Variants in INO80 observed in about 807,000 individuals in gnomAD.
INO80 encodes the protein INO80 complex ATPase subunit.
In INO80, 20 loss-of-function variants were observed where a neutral mutation model predicts 203.4. The ratio of observed to expected loss-of-function variants is 0.10; its 90% CI spans 0.07 to 0.14. INO80 has a LOEUF of 0.14. INO80 is among the 10% of genes least tolerant of loss of function. INO80 has a pLI of 1.00. For missense variants in INO80, 1,419 were observed against 1,914.4 expected (o/e 0.74, Z 4.83); for synonymous variants, 726 against 685.2 (o/e 1.06, Z -0.93).
At chr15:41,031,998 G>GACAGCACAGCACAGCACAGC (rs1414668191) in intron 24 of INO80, among the ~76,000 whole-genome samples, 1 of 53,864 alleles carries the variant, frequency 1.9e-5, no homozygotes, top group African/African-American at 5.1e-5. Context: ...CACAGCACAG[G>GACAGCACAGCACAGCACAGC]ACAGCACAGC....
intron 24 of INO80, among the ~76,000 whole-genome samples, chr15:41,031,084 A>G (rs2044452874): frequency 6.6e-6 from 1 of 152,184 alleles, no homozygotes; most frequent in Non-Finnish European, 1.5e-5. Flanking sequence ...CTATGTTCAA[A>G]ATGCTCAACA....
chr15:41,009,635 C>T (rs938446087), intron 27 of INO80, among the ~76,000 whole-genome samples: 4 of 151,960 alleles, frequency 2.6e-5, no homozygotes, highest in Non-Finnish European at 5.9e-5. Flanking sequence ...CTCTATTGCA[C>T]AGGATGAAGT....
intron 28 of INO80, among the ~76,000 whole-genome samples, chr15:41,002,909 C>T (rs1459278233): frequency 2.0e-5 from 3 of 152,144 alleles, no homozygotes; most frequent in Non-Finnish European, 4.4e-5. Flanking sequence ...TTGAGACCAT[C>T]CTGGCTAACA....
In INO80 at chr15:41,024,383, T is replaced by C. The variant is rs1596268385; in HGVS notation, c.3048+3213A>G. 2.6e-5 allele frequency: 4 copies of C among 152,308 alleles called. No individual in the cohort carries two copies. The South Asian group carries it at 8.3e-4, about 32-fold the overall frequency. The allele number at this position is 152,308 out of a possible 1,614,324, so 9.4% of individuals were successfully genotyped here. On this transcript the variant is annotated intron_variant, in intron 25 of 35. Transcript: ENST00000648947. ...TATCCCAGACAGCCTCCCCCTATTC[T>C]GCTAACCCCAAGTGACCTCCCGATT...
chr15:41,034,178 A>G (rs2044534827), intron 24 of INO80, among the ~76,000 whole-genome samples: 1 of 152,256 alleles, frequency 6.6e-6, no homozygotes, highest in Admixed American at 6.5e-5. Context: ...CCTGAAGCTA[A>G]TAATACAAGA....
intron 24 of INO80, among the ~76,000 whole-genome samples, chr15:41,044,413 T>C (rs1442463888): frequency 6.6e-6 from 1 of 152,176 alleles, no homozygotes; most frequent in African/African-American, 2.4e-5. Flanking sequence ...TCATAAACAA[T>C]ACTGAGTGAA....
intron 32 of INO80, among the ~76,000 whole-genome samples, chr15:40,985,004 C>T (rs1893967528): frequency 2.0e-5 from 3 of 152,130 alleles, no homozygotes; most frequent in African/African-American, 7.2e-5. Flanking sequence ...ATCTCATGAC[C>T]TCTTAGGCCC....
At position 41,114,276 on chromosome 15, in the gene INO80, A is replaced by C. The variant is rs539574129; in HGVS notation, c.-44+1697T>G. ...AGCCAGACTCCGTCTCAAAAAACAA[A>C]AAAAAAAAAACATTCATTTTAAAGT... On this transcript the variant is annotated intron_variant, in intron 1 of 35. Coordinates refer to ENST00000648947, the MANE Select transcript of INO80 (RefSeq NM_017553.3). Among the ~76,000 whole-genome samples the C allele has an allele frequency of 6.9e-4, 89 of 129,430 alleles. 1 individual carries two copies. In the South Asian group the frequency reaches 9.6e-3, roughly 14 times the overall value. The allele number at this position is 129,430 out of a possible 152,430, so 84.9% of individuals were successfully genotyped here.
intron 17 of INO80, 147 bp downstream of exon 17, chr15:41,056,475 A>G: frequency 1.6e-6 from 1 of 627,716 alleles, no homozygotes. Context: ...CTATGCCTAA[A>G]AGACGACTTG....
intron 35 of INO80, among the ~76,000 whole-genome samples, chr15:40,981,379 C>T (rs1893822962): frequency 6.6e-6 from 1 of 152,210 alleles, no homozygotes; most frequent in Admixed American, 6.5e-5. Context: ...CCTGCCACGG[C>T]AGCCTGGACT....
At chr15:41,111,964 G>GC (rs1432104250) in intron 1 of INO80, among the ~76,000 whole-genome samples, 1 of 152,106 alleles carries the variant, frequency 6.6e-6, no homozygotes, top group Admixed American at 6.6e-5. Context: ...GAGTGCAGTG[G>GC]CACAATCAGG....
chr15:41,008,443 G>C (rs2044083586), intron 27 of INO80, among the ~76,000 whole-genome samples: 1 of 152,116 alleles, frequency 6.6e-6, no homozygotes, highest in Admixed American at 6.6e-5. Context: ...ATGGGGAGAT[G>C]TTGGTCAAAG....
chr15:41,074,594 C>T (rs746771507), intron 9 of INO80, 29 bp from the exon 10 acceptor site: 3 of 1,499,016 alleles, frequency 2.0e-6, no homozygotes, highest in South Asian at 2.4e-5. Context: ...GAAAACAGAG[C>T]CAAATTATCA....
At chr15:41,058,165 C>T (rs904380605) in intron 16 of INO80, among the ~76,000 whole-genome samples, 3 of 152,162 alleles carry the variant, frequency 2.0e-5, no homozygotes, top group African/African-American at 7.2e-5. Flanking sequence ...AAAGCAAGGG[C>T]AGAGACTCCT....
chr15:41,015,236 T>C (rs538491136), intron 27 of INO80, among the ~76,000 whole-genome samples: 41 of 152,328 alleles, frequency 2.7e-4, no homozygotes, highest in African/African-American at 6.0e-4. Flanking sequence ...TCAAGCCTGG[T>C]TGCATATTAG....
chr15:41,010,995 G>GT (rs2044126920), intron 27 of INO80, among the ~76,000 whole-genome samples: 1 of 152,180 alleles, frequency 6.6e-6, no homozygotes, highest in African/African-American at 2.4e-5. Context: ...TATGACAGCC[G>GT]TAATTCCCTT....
Position 41,017,657 on chromosome 15 carries a change from G to A in INO80, c.3275-1442C>T, listed in dbSNP as rs568150134. 2.0e-5 allele frequency: 3 copies of A among 152,370 alleles called. No individual in the cohort carries two copies. In the South Asian group the frequency reaches 6.2e-4, roughly 32 times the overall value. 9.4% of individuals were successfully genotyped at this position (152,370 alleles called of 1,614,324 possible). A position where few individuals can be genotyped will look rare whatever the true frequency, so the allele number is the denominator to read the frequency against. ...ACCATAACAAATCATCAGCCACTCT[G>A]TTTTTGCTACAAAGCCACAGGTCCT... On this transcript the variant is annotated intron_variant, in intron 26 of 35. Transcript: ENST00000648947.
intron 12 of INO80, 148 bp from the exon 13 acceptor site, chr15:41,070,695 A>G (rs1463816254): frequency 1.4e-5 from 9 of 660,170 alleles, no homozygotes; most frequent in Non-Finnish European, 2.4e-5. Context: ...CCACTGCTAT[A>G]GTAATTGCTT....
chr15:40,982,849 T>A lies in INO80; in HGVS notation c.4453+13A>T. ...ACCAGAACAAAGTCTGCAGCCACCC[T>A]GGGCTTCTGTACCTTTAGACACGTT... On this transcript the variant is annotated intron_variant, in intron 35 of 35. Coordinates refer to ENST00000648947, the MANE Select transcript of INO80 (RefSeq NM_017553.3). 1 of 1,602,478 alleles carries A rather than the reference T, an allele frequency of 6.2e-7. No individual in the cohort carries two copies. Among genetic ancestry groups the A allele is most frequent in the Non-Finnish European group, 8.5e-7 (1 of 1,171,796 alleles).
Sources: gnomAD v4.1 joint callset for allele counts (sites outside exome capture counted in the v4.1 genomes callset) on GRCh38, gnomAD v4.1.1 for gene constraint, MANE v1.5 for transcripts, NCBI Gene and HGNC (gene_info 2026-07-23, HGNC 2026-07-21) for gene names.